Variants in LRFN5 observed in about 807,000 individuals in gnomAD.
The protein encoded by LRFN5 is leucine rich repeat and fibronectin type III domain containing 5, also known as leucine-rich repeat and fibronectin type-III domain-containing protein 5.
In LRFN5, 24 loss-of-function variants were observed where a neutral mutation model predicts 45.6. That is an observed-to-expected ratio of 0.53 (90% CI 0.38 to 0.74). LRFN5 has a LOEUF of 0.74. LRFN5 is among the 30% of genes least tolerant of loss of function. LRFN5 has a pLI of 0.00. For synonymous variants in LRFN5, 340 were observed against 313.8 expected (o/e 1.08, Z -0.88); for missense variants, 776 against 861.5 (o/e 0.90, Z 1.24).
intron 1 of LRFN5, among the ~76,000 whole-genome samples, chr14:41,651,063 G>A (rs1302145888): frequency 2.0e-5 from 3 of 152,058 alleles, no homozygotes; most frequent in Non-Finnish European, 4.4e-5. Flanking sequence ...GTTTTAATTT[G>A]AATTTGGAAA....
intron 1 of LRFN5, among the ~76,000 whole-genome samples, chr14:41,676,075 C>G (rs1881616000): frequency 1.3e-5 from 2 of 152,192 alleles, no homozygotes; most frequent in South Asian, 2.1e-4. Context: ...TGGTTTCACC[C>G]TGGGAGGGGC....
intron 1 of LRFN5, among the ~76,000 whole-genome samples, chr14:41,739,319 A>G (rs1584318): frequency 1.3e-5 from 2 of 152,102 alleles, no homozygotes; most frequent in Non-Finnish European, 2.9e-5. Flanking sequence ...TGGCTCATCA[A>G]TGGTTCAGTG....
intron 1 of LRFN5, among the ~76,000 whole-genome samples, chr14:41,754,078 G>T (rs1309114090): frequency 6.6e-6 from 1 of 152,116 alleles, no homozygotes; most frequent in South Asian, 2.1e-4. Flanking sequence ...ATTGATTTAC[G>T]TATATTGAAC....
At chr14:41,804,084 G>A (rs1179892032) in intron 2 of LRFN5, among the ~76,000 whole-genome samples, 3 of 151,984 alleles carry the variant, frequency 2.0e-5, no homozygotes, top group Non-Finnish European at 4.4e-5. Flanking sequence ...GGCTGCTCTC[G>A]AACTCCTGAC....
intron 2 of LRFN5, among the ~76,000 whole-genome samples, chr14:41,821,227 AT>A (rs1888102266): frequency 6.6e-6 from 1 of 152,034 alleles, no homozygotes; most frequent in Admixed American, 6.6e-5. Flanking sequence ...CCTGTTCAGT[AT>A]GATATTGGCT....
chr14:41,735,494 AC>A (rs1323373062), intron 1 of LRFN5, among the ~76,000 whole-genome samples: 2 of 151,622 alleles, frequency 1.3e-5, no homozygotes, highest in African/African-American at 4.8e-5. Flanking sequence ...CTGGTCATAA[AC>A]TCCTGGGCTC....
chr14:41,709,842 T>A (rs1304240602), intron 1 of LRFN5, among the ~76,000 whole-genome samples: 1 of 152,014 alleles, frequency 6.6e-6, no homozygotes, highest in African/African-American at 2.4e-5. Flanking sequence ...AAATATAATA[T>A]TTTACTCCAA....
chr14:41,754,563 A>G (rs1477147347), intron 1 of LRFN5, among the ~76,000 whole-genome samples: 3 of 152,142 alleles, frequency 2.0e-5, no homozygotes, highest in South Asian at 2.1e-4. Flanking sequence ...AGAGGTGTTT[A>G]TAGTATTCTC....
intron 1 of LRFN5, among the ~76,000 whole-genome samples, chr14:41,760,269 C>G (rs1015021598): frequency 1.3e-5 from 2 of 152,134 alleles, no homozygotes; most frequent in Non-Finnish European, 2.9e-5. Context: ...TCTTAATATT[C>G]AGACATAGGG....
chr14:41,806,326 G>A (rs1825495805), intron 2 of LRFN5, among the ~76,000 whole-genome samples: 1 of 152,130 alleles, frequency 6.6e-6, no homozygotes, highest in African/African-American at 2.4e-5. Context: ...TGAGCTATCT[G>A]TCCAGCCAAA....
chr14:41,630,396 G>T (rs955727178), intron 1 of LRFN5, among the ~76,000 whole-genome samples: 4 of 152,022 alleles, frequency 2.6e-5, no homozygotes, highest in Admixed American at 1.3e-4. Context: ...AGTATAATGG[G>T]AATTGCTGAT....
At chr14:41,748,539 T>C (rs1192094039) in intron 1 of LRFN5, among the ~76,000 whole-genome samples, 7 of 152,076 alleles carry the variant, frequency 4.6e-5, no homozygotes, top group African/African-American at 1.4e-4. Context: ...TATTTTTTAA[T>C]AGTTTTGCAA....
intron 1 of LRFN5, among the ~76,000 whole-genome samples, chr14:41,674,921 G>T (rs1398710620): frequency 6.6e-6 from 1 of 151,814 alleles, no homozygotes; most frequent in Non-Finnish European, 1.5e-5. Flanking sequence ...TCACCTCCCA[G>T]ACGGGGTCGC....
intron 2 of LRFN5, among the ~76,000 whole-genome samples, chr14:41,787,119 C>T (rs1488966898): frequency 6.8e-6 from 1 of 148,084 alleles, no homozygotes; most frequent in Non-Finnish European, 1.5e-5. Flanking sequence ...GCATTTTCTT[C>T]TATTGATTGA....
intron 1 of LRFN5, among the ~76,000 whole-genome samples, chr14:41,733,059 A>C (rs1028641016): frequency 2.6e-5 from 4 of 152,144 alleles, no homozygotes; most frequent in African/African-American, 7.2e-5. Flanking sequence ...GTTAAAAAAA[A>C]AAAACAGATT....
In LRFN5 at chr14:41,904,448, T is replaced by C; in HGVS notation, c.*273T>C. On this transcript the variant is annotated 3_prime_UTR_variant, in exon 6 of 6. Transcript: ENST00000298119. ...AAAAAAGCCTACATTGGCATCAAGT[T>C]CTGTATCAATCCATCTTACATTGCC... 2 of 381,456 alleles carry C rather than the reference T, an allele frequency of 5.2e-6. No individual in the cohort carries two copies. The highest frequency in any genetic ancestry group is 9.3e-6 in the Non-Finnish European group (2 of 214,458). The allele number at this position is 381,456 out of a possible 1,614,324, so 23.6% of individuals were successfully genotyped here.
At position 41,871,935 on chromosome 14, in the gene LRFN5, C is replaced by CT. The variant is rs555440791; in HGVS notation, c.-20-14664dup. 3.8e-4 allele frequency among the ~76,000 whole-genome samples: 58 copies of CT among 152,148 alleles called. No individual in the cohort carries two copies. The East Asian group carries it at 8.3e-3, about 22-fold the overall frequency. The stretch of plus-strand genomic sequence containing the variant: ...TTTAACCAATAACCATGTTGGTAAG[C>CT]TTTTTTTAATTATTATTTTACATTC... On this transcript the variant is annotated intron_variant, in intron 2 of 5. Transcript: ENST00000298119.
intron 1 of LRFN5, among the ~76,000 whole-genome samples, chr14:41,758,507 G>A (rs1209348867): frequency 7.9e-5 from 12 of 152,110 alleles, no homozygotes; most frequent in Admixed American, 7.9e-4. Context: ...ATAAGCCTAT[G>A]GAGACATTTT....
chr14:41,666,890 A>G (rs1250841818), intron 1 of LRFN5, among the ~76,000 whole-genome samples: 2 of 152,160 alleles, frequency 1.3e-5, no homozygotes, highest in African/African-American at 4.8e-5. Flanking sequence ...TCTTCCTTCA[A>G]TTTGACCCAT....
Sources: allele counts gnomAD v4.1 joint callset (sites outside exome capture counted in the v4.1 genomes callset), GRCh38; gene constraint gnomAD v4.1.1; transcripts MANE v1.5; gene names NCBI Gene and HGNC (gene_info 2026-07-23, HGNC 2026-07-21).